Variants in GDPD5 observed in about 807,000 individuals in gnomAD.
GDPD5 encodes the protein glycerophosphodiester phosphodiesterase domain containing 5, also known as glycerophosphodiester phosphodiesterase 2.
A neutral mutation model predicts 75.1 loss-of-function variants in GDPD5; 48 were observed. That is an observed-to-expected ratio of 0.64 (90% CI 0.51 to 0.81). GDPD5 has a LOEUF of 0.81. Among genes scored for constraint, GDPD5 ranks in the 40% least tolerant of loss-of-function variants. The pLI is 0.00. For synonymous variants in GDPD5, 336 were observed against 339.0 expected (o/e 0.99, Z 0.10); for missense variants, 706 against 822.6 (o/e 0.86, Z 1.73).
chr11:75,472,905 G>C (rs1007469223), intron 3 of GDPD5, among the ~76,000 whole-genome samples: 9 of 152,088 alleles, frequency 5.9e-5, no homozygotes, highest in Non-Finnish European at 1.2e-4. Flanking sequence ...TGGGGAGAGA[G>C]AGCAGTGAGG....
At chr11:75,466,085 C>T (rs920057862) in intron 3 of GDPD5, among the ~76,000 whole-genome samples, 4 of 152,230 alleles carry the variant, frequency 2.6e-5, no homozygotes, top group African/African-American at 7.2e-5. Flanking sequence ...TGGGAACCAG[C>T]CAAGACCAGA....
intron 4 of GDPD5, among the ~76,000 whole-genome samples, chr11:75,461,128 T>C (rs1292204239): frequency 6.6e-6 from 1 of 152,098 alleles, no homozygotes; most frequent in Non-Finnish European, 1.5e-5. Flanking sequence ...TGACCATGAA[T>C]GAGTCTTCAC....
chr11:75,449,376 G>A, intron 8 of GDPD5, 141 bp downstream of exon 8: 1 of 825,064 alleles, frequency 1.2e-6, no homozygotes, highest in Non-Finnish European at 1.9e-6. Context: ...GGGCCACTCT[G>A]AGCCAGAATC....
At chr11:75,450,342 C>T (rs1192597605) in intron 6 of GDPD5, 4 of 323,266 alleles carry the variant, frequency 1.2e-5, no homozygotes, top group East Asian at 7.2e-5. Flanking sequence ...TCCAAGGTCC[C>T]GCCCAGCCTC....
At chr11:75,460,899 C>T (rs536530504) in intron 4 of GDPD5, among the ~76,000 whole-genome samples, 23 of 152,004 alleles carry the variant, frequency 1.5e-4, no homozygotes, top group Non-Finnish European at 3.2e-4. Flanking sequence ...CCCAACAGGG[C>T]GGGAACCCAT....
chr11:75,503,593 G>T (rs551265460), intron 1 of GDPD5, among the ~76,000 whole-genome samples: 2 of 152,160 alleles, frequency 1.3e-5, no homozygotes, highest in Admixed American at 6.5e-5. Flanking sequence ...CCCACAGCAG[G>T]CCTCAGGGAG....
chr11:75,449,720 C>A, intron 7 of GDPD5, 110 bp from the exon 8 acceptor site: 2 of 1,298,968 alleles, frequency 1.5e-6, no homozygotes, highest in South Asian at 1.3e-5. Flanking sequence ...TCTCCATCTG[C>A]CAACTGGGGA....
chr11:75,444,439 G>GT lies in GDPD5; in HGVS notation c.770dup (p.Tyr257Ter), dbSNP rs750032600. 1 of 1,613,396 alleles carries GT rather than the reference G, an allele frequency of 6.2e-7. No homozygotes were observed. Among genetic ancestry groups the GT allele is most frequent in the Non-Finnish European group, 8.5e-7 (1 of 1,179,626 alleles). Residue 257 changes from tyrosine (Y) to a stop codon, truncating the protein, a stop_gained and frameshift_variant, in exon 10 of 17, where the codon TAC becomes TAAC. Coordinates refer to ENST00000336898, the MANE Select transcript of GDPD5 (RefSeq NM_030792.8). LOFTEE classifies it high-confidence loss of function. ...SFRKALEQKL[Y>*]GLQADITISL... ...TGATGGTAATGTCAGCCTGGAGCCC[G>GT]TACAGCTTCTGCTCGAGGGCCTTCC...
In GDPD5 at chr11:75,442,579, A is replaced by G. The variant is rs1215986438; in HGVS notation, c.951T>C (p.Thr317=). ...GGGAGCTGGCTGTCCAGAAGGGGTC[A>G]GTCTGGCAGGGACAGGGACACACAC... ...RLNAGQWFLK[T]DPFWTASSLS... The change falls in exon 12 of 17, where the codon ACT becomes ACC. Residue 317 remains threonine (T), a splice_region_variant and synonymous_variant. Transcript: ENST00000336898. 6.2e-7 allele frequency: 1 copy of G among 1,613,826 alleles called. No homozygotes were observed. Among genetic ancestry groups the G allele is most frequent in the Non-Finnish European group, 8.5e-7 (1 of 1,179,844 alleles).
At chr11:75,461,026 G>A (rs763533831) in intron 4 of GDPD5, among the ~76,000 whole-genome samples, 15 of 152,050 alleles carry the variant, frequency 9.9e-5, no homozygotes, top group Non-Finnish European at 1.6e-4. Flanking sequence ...TCTGCTTCTT[G>A]CTGTGTGACG....
intron 5 of GDPD5, 97 bp from the exon 6 acceptor site, chr11:75,456,913 TGACCCTGGGCA>T: frequency 8.0e-7 from 1 of 1,245,170 alleles, no homozygotes; most frequent in South Asian, 1.2e-5. Flanking sequence ...GCTCTGGGCC[TGACCCTGGGCA>T]GAGGCAGCGA....
At chr11:75,511,499 C>A (rs531649156) in intron 1 of GDPD5, among the ~76,000 whole-genome samples, 1 of 152,332 alleles carries the variant, frequency 6.6e-6, no homozygotes, top group Non-Finnish European at 1.5e-5. Context: ...TGTGACCTAG[C>A]GTTTCCCAAA....
intron 15 of GDPD5, 128 bp downstream of exon 15, chr11:75,439,751 C>T (rs1948733362): frequency 9.2e-6 from 7 of 759,956 alleles, no homozygotes; most frequent in African/African-American, 3.5e-5. Flanking sequence ...CGGAGTCCGT[C>T]CTTCTTCCCT....
At chr11:75,455,709 C>T (rs562899955) in intron 6 of GDPD5, among the ~76,000 whole-genome samples, 25 of 152,302 alleles carry the variant, frequency 1.6e-4, no homozygotes, top group South Asian at 4.1e-4. Context: ...GAAAGGGAGA[C>T]GATCCAGATG....
intron 16 of GDPD5, 82 bp downstream of exon 16, chr11:75,436,854 T>C (rs1948638869): frequency 1.0e-6 from 1 of 991,608 alleles, no homozygotes; most frequent in South Asian, 1.4e-5. Context: ...TGTGAATGTG[T>C]GTGCATACAC....
Position 75,442,594 on chromosome 11 carries a change from G to A in GDPD5, c.949-13C>T, listed in dbSNP as rs780094934. The stretch of plus-strand genomic sequence containing the variant: ...AGAAGGGGTCAGTCTGGCAGGGACA[G>A]GGACACACACATGGCTGCATCATCA... On this transcript the variant is annotated splice_polypyrimidine_tract_variant and intron_variant, in intron 11 of 16. Coordinates refer to ENST00000336898, the MANE Select transcript of GDPD5 (RefSeq NM_030792.8). The A allele has an allele frequency of 6.2e-7, 1 of 1,612,666 alleles. No homozygotes were observed. Among genetic ancestry groups the A allele is most frequent in the African/African-American group, 1.3e-5 (1 of 74,890 alleles).
chr11:75,474,541 G>A (rs1401541770), intron 3 of GDPD5, among the ~76,000 whole-genome samples: 1 of 152,218 alleles, frequency 6.6e-6, no homozygotes, highest in Non-Finnish European at 1.5e-5. Flanking sequence ...CTGGGGGCAA[G>A]AGAAGAGGCC....
chr11:75,515,646 G>T (rs1361152603), intron 1 of GDPD5, among the ~76,000 whole-genome samples: 3 of 152,244 alleles, frequency 2.0e-5, no homozygotes, highest in Admixed American at 2.0e-4. Context: ...TCTAAGGAAG[G>T]TGTGTGAAGT....
chr11:75,509,589 C>CT (rs1392922647), intron 1 of GDPD5, among the ~76,000 whole-genome samples: 1 of 152,216 alleles, frequency 6.6e-6, no homozygotes, highest in Non-Finnish European at 1.5e-5. Flanking sequence ...CATGTTCAAA[C>CT]TTTATCTCGT....
Sources: gnomAD v4.1 joint callset for allele counts (sites outside exome capture counted in the v4.1 genomes callset) on GRCh38, gnomAD v4.1.1 for gene constraint, MANE v1.5 for transcripts, NCBI Gene and HGNC (gene_info 2026-07-23, HGNC 2026-07-21) for gene names.